The following ANO3 variants were observed in gnomAD, a reference collection of about 807,000 sequenced individuals.
ANO3 encodes anoctamin 3, also known as anoctamin-3.
In ANO3, 99 loss-of-function variants were observed where a neutral mutation model predicts 144.8. The ratio of observed to expected loss-of-function variants is 0.68; its 90% CI spans 0.58 to 0.81. The LOEUF is 0.81. Ranked by LOEUF, ANO3 falls within the 30% of genes least tolerant of loss-of-function variation. The pLI is 0.00. For missense variants in ANO3, 905 were observed against 1,202.2 expected (o/e 0.75, Z 3.66); for synonymous variants, 414 against 392.6 (o/e 1.05, Z -0.64).
intron 14 of ANO3, among the ~76,000 whole-genome samples, chr11:26,564,609 T>C (rs924658072): frequency 6.8e-6 from 1 of 147,640 alleles, no homozygotes; most frequent in Non-Finnish European, 1.5e-5. Flanking sequence ...ACATAATAAA[T>C]TGTTTGTGAT....
At chr11:26,406,069 T>C (rs1052822208) in intron 1 of ANO3, among the ~76,000 whole-genome samples, 3 of 151,922 alleles carry the variant, frequency 2.0e-5, no homozygotes, top group African/African-American at 4.8e-5. Context: ...TAAAAGACTA[T>C]TGTCACAGTC....
At chr11:26,391,965 G>T (rs184385413) in intron 1 of ANO3, among the ~76,000 whole-genome samples, 2 of 112,832 alleles carry the variant, frequency 1.8e-5, no homozygotes, top group Non-Finnish European at 3.6e-5. Flanking sequence ...ACATCTTTCT[G>T]CTGTGTCCAA....
At chr11:26,629,861 C>T (rs1304426247) in intron 18 of ANO3, among the ~76,000 whole-genome samples, 1 of 152,148 alleles carries the variant, frequency 6.6e-6, no homozygotes, top group African/African-American at 2.4e-5. Flanking sequence ...GAACTGCCGA[C>T]CTCAGGTGAT....
At chr11:26,513,540 C>T (rs1288643535) in intron 5 of ANO3, among the ~76,000 whole-genome samples, 1 of 152,156 alleles carries the variant, frequency 6.6e-6, no homozygotes, top group Non-Finnish European at 1.5e-5. Flanking sequence ...TTCCAGATCT[C>T]TTCCAGCGTT....
intron 1 of ANO3, among the ~76,000 whole-genome samples, chr11:26,398,755 C>A (rs899146847): frequency 1.3e-5 from 2 of 151,906 alleles, no homozygotes; most frequent in Non-Finnish European, 2.9e-5. Flanking sequence ...CGTAAAAATC[C>A]GGGATGGTAT....
At chr11:26,502,244 A>G (rs1297481542) in intron 4 of ANO3, among the ~76,000 whole-genome samples, 1 of 152,150 alleles carries the variant, frequency 6.6e-6, no homozygotes, top group Middle Eastern at 3.2e-3. Flanking sequence ...TTTTTTAGTT[A>G]AAATAGCCAA....
At chr11:26,455,300 G>C (rs1209747257) in intron 3 of ANO3, among the ~76,000 whole-genome samples, 1 of 150,380 alleles carries the variant, frequency 6.6e-6, no homozygotes, top group East Asian at 2.0e-4. Flanking sequence ...GTTTGCAGAC[G>C]ACATGATTGT....
At chr11:26,415,399 T>C (rs1857555360) in intron 1 of ANO3, among the ~76,000 whole-genome samples, 1 of 152,048 alleles carries the variant, frequency 6.6e-6, no homozygotes, top group South Asian at 2.1e-4. Context: ...AGTGCCATTC[T>C]TTTTCACTGC....
chr11:26,312,653 G>C (rs1854527743), intron 1 of ANO3, among the ~76,000 whole-genome samples: 1 of 152,162 alleles, frequency 6.6e-6, no homozygotes, highest in African/African-American at 2.4e-5. Context: ...GTTTTGAGAA[G>C]TGTCTGTTCA....
chr11:26,536,573 C>A lies in ANO3; in HGVS notation c.977-833C>A, dbSNP rs115676123. ...TATGTGTGTGTACATATAAATTAGACGTACATATAAATTAGATGTCTTAGC... is the reference window on the plus strand; with the variant it reads ...TATGTGTGTGTACATATAAATTAGAAGTACATATAAATTAGATGTCTTAGC... On this transcript the variant is annotated intron_variant, in intron 9 of 26. Transcript: ENST00000256737. 7.3e-5 allele frequency among the ~76,000 whole-genome samples: 11 copies of A among 151,708 alleles called. No homozygotes were observed. In the South Asian group the frequency reaches 2.3e-3, roughly 32 times the overall value.
intron 4 of ANO3, among the ~76,000 whole-genome samples, chr11:26,497,192 G>T (rs534351024): frequency 6.6e-6 from 1 of 151,170 alleles, no homozygotes; most frequent in East Asian, 1.9e-4. Flanking sequence ...ATTGAAACAT[G>T]TATATACATG....
chr11:26,264,575 A>C (rs1853265347), intron 1 of ANO3, among the ~76,000 whole-genome samples: 1 of 152,208 alleles, frequency 6.6e-6, no homozygotes, highest in African/African-American at 2.4e-5. Context: ...TTATTGCATT[A>C]GTCTGCTAAG....
chr11:26,343,763 T>C (rs1337412307), intron 1 of ANO3, among the ~76,000 whole-genome samples: 1 of 152,212 alleles, frequency 6.6e-6, no homozygotes. Context: ...ACCTTTGCCA[T>C]CATTTTCTTC....
rs71480118 is a variant in ANO3 at position 26,274,779 on chromosome 11, C to T, written c.155-34866C>T. Among the ~76,000 whole-genome samples the T allele has an allele frequency of 9.1e-3, 1,377 of 152,136 alleles. 15 individuals carry two copies. Among genetic ancestry groups the T allele is most frequent in the Non-Finnish European group, 0.015 (1,013 of 67,966 alleles). On this transcript the variant is annotated intron_variant, in intron 1 of 27. Coordinates refer to the ANO3 transcript ENST00000672621. ...ACTTCAAATAAAGTAAGCAGAGATA[C>T]TTCAGTGATATACCATTTTTAATTT...
chr11:26,614,017 C>T (rs1852175405), intron 17 of ANO3, among the ~76,000 whole-genome samples: 1 of 152,226 alleles, frequency 6.6e-6, no homozygotes, highest in African/African-American at 2.4e-5. Context: ...CACCACAGGA[C>T]CAGCTGTCAG....
At chr11:26,215,822 G>A (rs997447236) in intron 1 of ANO3, among the ~76,000 whole-genome samples, 15 of 151,770 alleles carry the variant, frequency 9.9e-5, no homozygotes, top group Non-Finnish European at 2.2e-4. Context: ...GATCACTACA[G>A]CCTCCTCCCG....
At chr11:26,411,113 T>C (rs1197384796) in intron 1 of ANO3, among the ~76,000 whole-genome samples, 1 of 152,016 alleles carries the variant, frequency 6.6e-6, no homozygotes, top group Non-Finnish European at 1.5e-5. Context: ...ATAGAAAACC[T>C]ACTCAGATGT....
intron 1 of ANO3, among the ~76,000 whole-genome samples, chr11:26,204,426 C>T (rs1323777963): frequency 6.6e-6 from 1 of 152,168 alleles, no homozygotes; most frequent in Admixed American, 6.6e-5. Context: ...ACACCTCCAA[C>T]TCTGTCCTTC....
At chr11:26,584,132 G>A (rs1457631923) in intron 14 of ANO3, among the ~76,000 whole-genome samples, 1 of 143,360 alleles carries the variant, frequency 7.0e-6, no homozygotes, top group Admixed American at 7.0e-5. Flanking sequence ...TCCCTGGTGA[G>A]ATTCTGTCTT....
Sources: allele counts gnomAD v4.1 joint callset (sites outside exome capture counted in the v4.1 genomes callset), GRCh38; gene constraint gnomAD v4.1.1; transcripts MANE v1.5; gene names NCBI Gene and HGNC (gene_info 2026-07-23, HGNC 2026-07-21).